Variants in RBFOX1 observed in about 807,000 individuals in gnomAD.
RBFOX1 encodes RNA binding fox-1 homolog 1, also known as RNA binding protein fox-1 homolog 1.
A neutral mutation model predicts 57.7 loss-of-function variants in RBFOX1; 8 were observed. The ratio of observed to expected loss-of-function variants is 0.14; its 90% CI spans 0.08 to 0.25. The LOEUF is 0.25. Ranked by LOEUF, RBFOX1 falls within the 10% of genes least tolerant of loss-of-function variation. RBFOX1 has a pLI of 1.00. For synonymous variants in RBFOX1, 326 were observed against 222.4 expected, an observed-to-expected ratio of 1.47 and a Z score of -4.15; for missense variants, 611 against 548.5, an observed-to-expected ratio of 1.11 and a Z score of -1.14.
At chr16:5,990,807 C>T (rs754799031) in intron 4 of RBFOX1, among the ~76,000 whole-genome samples, 1 of 152,124 alleles carries the variant, frequency 6.6e-6, no homozygotes, top group Non-Finnish European at 1.5e-5. Context: ...AAATCCATCT[C>T]TACTAAAAAT....
chr16:5,408,840 A>G (rs1281019691), intron 1 of RBFOX1, among the ~76,000 whole-genome samples: 3 of 152,200 alleles, frequency 2.0e-5, no homozygotes, highest in Non-Finnish European at 4.4e-5. Flanking sequence ...ACTTTTAAAC[A>G]GTCAGAGTTG....
chr16:5,862,712 G>T (rs1325150482), intron 3 of RBFOX1, among the ~76,000 whole-genome samples: 1 of 152,152 alleles, frequency 6.6e-6, no homozygotes, highest in Admixed American at 6.5e-5. Flanking sequence ...TCCCTTGAAT[G>T]AGCTGATAAA....
chr16:7,682,035 C>G (rs1028813252), intron 14 of RBFOX1, among the ~76,000 whole-genome samples: 3 of 152,126 alleles, frequency 2.0e-5, no homozygotes, highest in Non-Finnish European at 2.9e-5. Flanking sequence ...TTTATCAAAA[C>G]GGAAGAACAC....
Position 5,796,512 on chromosome 16 carries a change from A to G in RBFOX1, c.319-70791A>G, listed in dbSNP as rs1017399335. On this transcript the variant is annotated intron_variant, in intron 3 of 19. Transcript: ENST00000641259. ...GATGACATTTCCAAGATGGGATGGA[A>G]TGAGCTGGATCCCAGGGATGAAGCA... Among the ~76,000 whole-genome samples, 16 of 152,112 alleles carry G rather than the reference A, an allele frequency of 1.1e-4. 1 individual carries two copies. Among genetic ancestry groups the G allele is most frequent in the South Asian group, 4.2e-4 (2 of 4,810 alleles).
At chr16:5,991,696 G>A (rs541991447) in intron 4 of RBFOX1, among the ~76,000 whole-genome samples, 1 of 150,602 alleles carries the variant, frequency 6.6e-6, no homozygotes, top group Non-Finnish European at 1.5e-5. Context: ...AACTTCTGTG[G>A]GGAAGTTTGC....
chr16:6,632,189 G>C (rs898914306), intron 2 of RBFOX1, among the ~76,000 whole-genome samples: 1 of 152,102 alleles, frequency 6.6e-6, no homozygotes, highest in Non-Finnish European at 1.5e-5. Flanking sequence ...ACACTTAACT[G>C]CATCGGGTTT....
intron 3 of RBFOX1, among the ~76,000 whole-genome samples, chr16:6,772,350 A>T (rs1018436728): frequency 2.6e-5 from 4 of 152,124 alleles, no homozygotes; most frequent in Admixed American, 2.6e-4. Context: ...CAAATAATTT[A>T]TTTATGCAGC....
At chr16:6,570,908 C>A (rs1238395635) in intron 2 of RBFOX1, among the ~76,000 whole-genome samples, 1 of 152,156 alleles carries the variant, frequency 6.6e-6, no homozygotes, top group Non-Finnish European at 1.5e-5. Context: ...TGAAATCTTG[C>A]AGGGCCTTTG....
chr16:6,822,219 A>T (rs558316873), intron 3 of RBFOX1, among the ~76,000 whole-genome samples: 15 of 152,272 alleles, frequency 9.9e-5, no homozygotes, highest in African/African-American at 3.4e-4. Context: ...TCAGTTTGAA[A>T]TGCTGGTATG....
chr16:7,309,495 C>G (rs2096263970), intron 4 of RBFOX1, among the ~76,000 whole-genome samples: 1 of 152,230 alleles, frequency 6.6e-6, no homozygotes, highest in Non-Finnish European at 1.5e-5. Flanking sequence ...TTATAACATG[C>G]AACTGGCCGC....
intron 1 of RBFOX1, among the ~76,000 whole-genome samples, chr16:5,341,931 T>TG (rs2065041648): frequency 1.3e-5 from 2 of 152,146 alleles, no homozygotes; most frequent in Non-Finnish European, 2.9e-5. Context: ...GCTGGAGCCA[T>TG]GGGGGATACA....
At chr16:6,692,363 C>A (rs2060323735) in intron 3 of RBFOX1, among the ~76,000 whole-genome samples, 1 of 152,040 alleles carries the variant, frequency 6.6e-6, no homozygotes, top group Admixed American at 6.6e-5. Context: ...TACCTAGATC[C>A]TTGAAGTCAT....
intron 1 of RBFOX1, among the ~76,000 whole-genome samples, chr16:6,193,356 TTATATATATATATATATA>T (rs61247347): frequency 3.1e-5 from 2 of 64,584 alleles, no homozygotes; most frequent in Admixed American, 2.1e-4. Context: ...TATATATACA[TTATATATATATATATATA>T]TACATTATAT....
intron 4 of RBFOX1, among the ~76,000 whole-genome samples, chr16:7,213,154 A>G (rs570248398): frequency 6.6e-5 from 10 of 152,262 alleles, no homozygotes; most frequent in African/African-American, 2.2e-4. Flanking sequence ...CGAACTCCCT[A>G]ACCACCTCAA....
At chr16:5,380,762 C>G (rs781451310) in intron 1 of RBFOX1, among the ~76,000 whole-genome samples, 2 of 152,210 alleles carry the variant, frequency 1.3e-5, no homozygotes, top group Non-Finnish European at 2.9e-5. Flanking sequence ...ACTCAGGAGT[C>G]TCTGCTTTGA....
intron 3 of RBFOX1, among the ~76,000 whole-genome samples, chr16:6,807,711 G>T (rs1170687834): frequency 6.6e-6 from 1 of 152,084 alleles, no homozygotes; most frequent in Non-Finnish European, 1.5e-5. Context: ...AGCTACTCGG[G>T]AGGCTAAGGC....
At chr16:6,950,284 A>G (rs1168934724) in intron 3 of RBFOX1, among the ~76,000 whole-genome samples, 2 of 151,778 alleles carry the variant, frequency 1.3e-5, no homozygotes, top group African/African-American at 2.4e-5. Flanking sequence ...TTGCAGAACC[A>G]TGCTCCCCTC....
intron 4 of RBFOX1, among the ~76,000 whole-genome samples, chr16:7,329,032 T>TA (rs1470099176): frequency 1.3e-5 from 2 of 152,224 alleles, no homozygotes; most frequent in African/African-American, 4.8e-5. Context: ...AATACAGTAT[T>TA]ACAGGAACAT....
chr16:6,579,271 A>T (rs1387537129), intron 2 of RBFOX1, among the ~76,000 whole-genome samples: 1 of 151,782 alleles, frequency 6.6e-6, no homozygotes, highest in Non-Finnish European at 1.5e-5. Context: ...TGGTTCAGTT[A>T]TCGCTCTCTG....
Sources: gnomAD v4.1 joint callset for allele counts (sites outside exome capture counted in the v4.1 genomes callset) on GRCh38, gnomAD v4.1.1 for gene constraint, MANE v1.5 for transcripts, NCBI Gene and HGNC (gene_info 2026-07-23, HGNC 2026-07-21) for gene names.